Variants in CCDC57 observed in about 807,000 individuals in gnomAD.
CCDC57 encodes coiled-coil domain containing 57, also known as coiled-coil domain-containing protein 57.
In CCDC57, 118 loss-of-function variants were observed where a neutral mutation model predicts 118.9. The observed-to-expected ratio is 0.99, with a 90% CI of 0.86 to 1.16. CCDC57 has a LOEUF of 1.16. CCDC57 is among the 50% of genes most tolerant of loss of function. The probability of loss-of-function intolerance (pLI) is 0.00; values close to 1 mark genes in which losing one functional copy is unlikely to be tolerated. For synonymous variants in CCDC57, 527 were observed against 532.9 expected (o/e 0.99, Z 0.15); for missense variants, 1,300 against 1,320.7 (o/e 0.98, Z 0.24).
chr17:82,195,206 A>G, intron 5 of CCDC57, 57 bp downstream of exon 4: 1 of 1,299,224 alleles, frequency 7.7e-7, no homozygotes, highest in Non-Finnish European at 1.1e-6. Context: ...GTGAGCCACC[A>G]CACCTGACCA....
rs1030817342 is a variant in CCDC57 at position 82,191,466 on chromosome 17, A to C, written c.851+2290T>G. Among the ~76,000 whole-genome samples, 11 of 152,130 alleles carry C rather than the reference A, an allele frequency of 7.2e-5. No homozygotes were observed. The East Asian group carries it at 2.1e-3, about 29-fold the overall frequency. ...TTTTTAGAGGAAGGAAAAAGTAAAAAAGTCAAATGGAATTACAATGTATTT... is the reference window on the plus strand; with the variant it reads ...TTTTTAGAGGAAGGAAAAAGTAAAACAGTCAAATGGAATTACAATGTATTT... On this transcript the variant is annotated intron_variant, in intron 7 of 19. Transcript: ENST00000665763.
intron 16 of CCDC57, among the ~76,000 whole-genome samples, chr17:82,137,678 CTT>C (rs199677583): frequency 9.0e-5 from 12 of 133,348 alleles, no homozygotes; most frequent in African/African-American, 5.7e-5. Context: ...GGAGACTTTT[CTT>C]TTTTTTTTTT....
intron 18 of CCDC57, among the ~76,000 whole-genome samples, chr17:82,128,257 T>C (rs923621865): frequency 1.3e-5 from 2 of 152,280 alleles, no homozygotes; most frequent in East Asian, 3.9e-4. Context: ...AAGGCCAGCG[T>C]GGGCCCCATG....
chr17:82,186,554 T>C (rs939995085), intron 8 of CCDC57, among the ~76,000 whole-genome samples: 3 of 152,330 alleles, frequency 2.0e-5, no homozygotes, highest in East Asian at 1.9e-4. Context: ...CAACACAGCA[T>C]GCTGAATCTA....
chr17:82,113,128 G>A (rs1598629913), intron 19 of CCDC57: 1 of 511,644 alleles, frequency 2.0e-6, no homozygotes, highest in East Asian at 3.1e-5. Context: ...TTCAAGAAAA[G>A]AGCTAACAGA....
chr17:82,195,415 C>T, intron 4 of CCDC57, 51 bp from the exon 4 acceptor site: 1 of 1,425,554 alleles, frequency 7.0e-7, no homozygotes, highest in Non-Finnish European at 9.7e-7. Flanking sequence ...CCAGCAAAGA[C>T]CCCCACCCAC....
chr17:82,200,108 T>C (rs1439741111), intron 3 of CCDC57, among the ~76,000 whole-genome samples: 2 of 152,150 alleles, frequency 1.3e-5, no homozygotes, highest in Non-Finnish European at 2.9e-5. Flanking sequence ...GTGGGTCTCC[T>C]CTCCTTGCAC....
chr17:82,196,590 C>A (rs4523985), intron 4 of CCDC57, among the ~76,000 whole-genome samples: 70,163 of 152,046 alleles, frequency 0.46, 17,029 homozygotes, highest in East Asian at 0.88. Flanking sequence ...TCCGACAGGA[C>A]CAGAGAGGGG....
At chr17:82,147,882 G>C (rs2041036218) in intron 16 of CCDC57, among the ~76,000 whole-genome samples, 1 of 86,170 alleles carries the variant, frequency 1.2e-5, no homozygotes, top group Non-Finnish European at 2.3e-5. Context: ...ATGGGTGGGT[G>C]GATGGATGGA....
chr17:82,137,190 GTAT>G (rs1474703779), intron 16 of CCDC57, among the ~76,000 whole-genome samples: 2 of 151,952 alleles, frequency 1.3e-5, no homozygotes, highest in Non-Finnish European at 2.9e-5. Context: ...GCTAATTTTT[GTAT>G]TTTTAGTAGA....
chr17:82,176,134 A>G (rs1186930787), intron 11 of CCDC57, among the ~76,000 whole-genome samples: 1 of 152,132 alleles, frequency 6.6e-6, no homozygotes, highest in African/African-American at 2.4e-5. Flanking sequence ...GCTCTGTGCC[A>G]ATGGGTGGAA....
intron 10 of CCDC57, 111 bp from the exon 10 acceptor site, chr17:82,178,716 C>A: frequency 6.9e-7 from 1 of 1,449,582 alleles, no homozygotes. Context: ...ACCAGGCTCC[C>A]CACTGTGGCC....
intron 19 of CCDC57, among the ~76,000 whole-genome samples, chr17:82,109,984 G>GT (rs530570604): frequency 0.037 from 5,272 of 140,656 alleles, 213 homozygotes; most frequent in African/African-American, 0.098. Context: ...AAAGAAGTCT[G>GT]TTTTTTTTTT....
At position 82,212,717 on chromosome 17, in the gene CCDC57, A is replaced by C. The variant is rs934236284; in HGVS notation, c.-211+68T>G. On this transcript the variant is annotated intron_variant, in intron 1 of 19. Transcript: ENST00000665763. The surrounding 1 kb of genome is among the most constrained non-coding windows in gnomAD (Gnocchi z 4.1). ...GACGGCAGCTGCTGGGGTTTTCTAC[A>C]GGAAGAGTGGTCGGAGCGGCGCCCC... The C allele has an allele frequency of 1.5e-5, 2 of 133,600 alleles. No individual in the cohort carries two copies. The highest frequency in any genetic ancestry group is 1.4e-4 in the Admixed American group (2 of 13,866). 8.3% of individuals were successfully genotyped at this position (133,600 alleles called of 1,614,324 possible).
chr17:82,134,342 C>A, intron 16 of CCDC57, 148 bp from the exon 16 acceptor site: 1 of 655,742 alleles, frequency 1.5e-6, no homozygotes, highest in Non-Finnish European at 2.2e-6. Context: ...GAGGGCCGGA[C>A]AACAGTGAAC....
At chr17:82,127,251 G>A (rs1351052851) in intron 19 of CCDC57, 5 of 985,350 alleles carry the variant, frequency 5.1e-6, no homozygotes, top group Non-Finnish European at 6.0e-6. Flanking sequence ...CACTGGGGTC[G>A]GCCTGGCTCT....
At chr17:82,120,669 C>CGG (rs1416343626) in intron 19 of CCDC57, among the ~76,000 whole-genome samples, 1 of 152,234 alleles carries the variant, frequency 6.6e-6, no homozygotes, top group Non-Finnish European at 1.5e-5. Context: ...TTAAACAACT[C>CGG]AACTGCATGA....
At chr17:82,107,114 C>T (rs1304726481) in intron 19 of CCDC57, among the ~76,000 whole-genome samples, 1 of 152,248 alleles carries the variant, frequency 6.6e-6, no homozygotes, top group East Asian at 1.9e-4. Flanking sequence ...GCCAGCCACA[C>T]ACTTATCAGC....
intron 16 of CCDC57, among the ~76,000 whole-genome samples, chr17:82,142,101 T>C (rs2040088011): frequency 6.6e-6 from 1 of 152,226 alleles, no homozygotes; most frequent in Non-Finnish European, 1.5e-5. Flanking sequence ...TCCTCATTGT[T>C]TAATGAACAG....
Sources: allele counts gnomAD v4.1 joint callset (sites outside exome capture counted in the v4.1 genomes callset), GRCh38; gene constraint gnomAD v4.1.1; non-coding constraint Gnocchi (gnomAD v3.1); transcripts MANE v1.5; gene names NCBI Gene and HGNC (gene_info 2026-07-23, HGNC 2026-07-21).